The following CCDC186 variants were observed in gnomAD, a reference collection of about 807,000 sequenced individuals.
CCDC186 encodes coiled-coil domain-containing protein 186.
CCDC186 carries 49 observed loss-of-function variants against 113.7 expected under a neutral mutation model. That is an observed-to-expected ratio of 0.43 (90% confidence interval 0.34 to 0.55). The LOEUF (loss-of-function observed/expected upper bound fraction) is 0.55. Ranked by LOEUF, CCDC186 falls within the 20% of genes least tolerant of loss-of-function variation. The pLI, the probability that CCDC186 is intolerant of heterozygous loss-of-function variation, is 0.02. For missense variants in CCDC186, 890 were observed against 1,011.1 expected, an observed-to-expected ratio of 0.88 and a Z score of 1.62; for synonymous variants, 355 against 345.8, an observed-to-expected ratio of 1.03 and a Z score of -0.30.
At position 114,163,269 on chromosome 10, in the gene CCDC186, G is replaced by A; in HGVS notation, c.-1C>T. ...AGGCTATGTGGTCTGTCTCTGACATGCTGACTGGCACCAATTCACTTTGTA... is the reference window on the plus strand; with the variant it reads ...AGGCTATGTGGTCTGTCTCTGACATACTGACTGGCACCAATTCACTTTGTA... On this transcript the variant is annotated 5_prime_UTR_variant, in exon 2 of 16. Transcript: ENST00000369287. The A allele has an allele frequency of 6.2e-7, 1 of 1,604,658 alleles. No homozygotes were observed.
rs1564908430 is a variant in CCDC186 at position 114,138,060 on chromosome 10, AAAAAAAAAAAAAAT to A, written c.1222-784_1222-771del. ...CTCAAAAAAAAAAAAAAAAAAAAAAAAAAAAAAAAAAAATAAAAAAAATACACAAATTAGCCAGG... is the reference window on the plus strand; with the variant it reads ...CTCAAAAAAAAAAAAAAAAAAAAAAAAAAAAAAATACACAAATTAGCCAGG... On this transcript the variant is annotated intron_variant, in intron 6 of 15. Coordinates refer to ENST00000369287, the MANE Select transcript of CCDC186 (RefSeq NM_018017.4). Among the ~76,000 whole-genome samples the A allele has an allele frequency of 8.2e-4, 78 of 95,058 alleles. 1 individual carries two copies. Among genetic ancestry groups the A allele is most frequent in the African/African-American group, 3.5e-3 (65 of 18,572 alleles). The allele number at this position is 95,058 out of a possible 152,430, so 62.4% of individuals were successfully genotyped here.
At chr10:114,149,732 CG>C (rs2031772686) in intron 4 of CCDC186, among the ~76,000 whole-genome samples, 2 of 98,702 alleles carry the variant, frequency 2.0e-5, no homozygotes, top group Admixed American at 1.1e-4. Context: ...GAGGAAGGGA[CG>C]AAGGAAGGAA....
At position 114,131,337 on chromosome 10, in the gene CCDC186, C is replaced by T; in HGVS notation, c.1912-1G>A. ...CTTCCTCTTTCAACAACCTACTTTC[C>T]TGAATAGTAAGTAAAACAAAAACCA... On this transcript the variant is annotated splice_acceptor_variant, in intron 11 of 15. Coordinates refer to ENST00000369287, the MANE Select transcript of CCDC186 (RefSeq NM_018017.4). LOFTEE classifies it high-confidence loss of function. 6.4e-7 allele frequency: 1 copy of T among 1,555,670 alleles called. No homozygotes were observed. Among genetic ancestry groups the T allele is most frequent in the African/African-American group, 1.4e-5 (1 of 71,758 alleles).
chr10:114,170,985 C>G (rs1364417120), intron 1 of CCDC186, among the ~76,000 whole-genome samples: 1 of 152,074 alleles, frequency 6.6e-6, no homozygotes, highest in Non-Finnish European at 1.5e-5. Flanking sequence ...CATAGTTCAC[C>G]TTATCAAGTT....
chr10:114,157,484 A>G, intron 3 of CCDC186, 70 bp downstream of exon 3: 2 of 1,422,182 alleles, frequency 1.4e-6, no homozygotes, highest in Admixed American at 5.1e-5. Flanking sequence ...GAGCTGCCAC[A>G]ATCGGCTGCC....
chr10:114,137,506 A>C (rs993774617), intron 6 of CCDC186, among the ~76,000 whole-genome samples: 10 of 152,250 alleles, frequency 6.6e-5, no homozygotes, highest in Admixed American at 5.9e-4. Flanking sequence ...GTTTTCAGCA[A>C]ATTACTAGAA....
intron 3 of CCDC186, among the ~76,000 whole-genome samples, chr10:114,155,491 A>G (rs2031983966): frequency 6.6e-6 from 1 of 152,150 alleles, no homozygotes; most frequent in Non-Finnish European, 1.5e-5. Context: ...CCTGGCTAAC[A>G]TGGTGAAACC....
intron 10 of CCDC186, among the ~76,000 whole-genome samples, chr10:114,132,699 A>G (rs887579743): frequency 1.3e-5 from 2 of 152,240 alleles, no homozygotes; most frequent in Non-Finnish European, 2.9e-5. Flanking sequence ...TTTGTAAGCC[A>G]TGGTTGATCC....
intron 4 of CCDC186, among the ~76,000 whole-genome samples, chr10:114,148,015 G>C (rs2031700026): frequency 6.6e-6 from 1 of 152,114 alleles, no homozygotes; most frequent in Admixed American, 6.5e-5. Context: ...TGCACCTGTA[G>C]TCCCAGCTAT....
chr10:114,121,917 T>C lies in CCDC186; in HGVS notation c.*3226A>G, dbSNP rs1476477344. ...GCTTCAACCTCCCAGGCTCAGATGA[T>C]CCTCCCAACTCAGCCTCCTGGGTAG... On this transcript the variant is annotated 3_prime_UTR_variant, in exon 16 of 16. Transcript: ENST00000369287. 6.6e-6 allele frequency: 1 copy of C among 152,216 alleles called. No individual in the cohort carries two copies. The highest frequency in any genetic ancestry group is 1.5e-5 in the Non-Finnish European group (1 of 68,138). 9.4% of individuals were successfully genotyped at this position (152,216 alleles called of 1,614,324 possible).
rs1293848295 is a variant in CCDC186, at chr10:114,144,501, T to A, written c.1217A>T (p.His406Leu). 2 of 1,613,122 alleles carry A rather than the reference T, an allele frequency of 1.2e-6. No individual in the cohort carries two copies. The highest frequency in any genetic ancestry group is 1.7e-6 in the Non-Finnish European group (2 of 1,179,424). The stretch of plus-strand genomic sequence containing the variant: ...CCATTGTATTACAGTACGTACCTTG[T>A]GTGAATCCATTTCAGCTTTTAATTT... ...QNKLKAEMDS[H>L]KETKDKLKET... The change falls in exon 6 of 16, where the codon CAC (histidine) becomes CTC (leucine). Residue 406 changes from histidine (H) to leucine (L), a missense_variant. By Grantham distance (99) the His-to-Leu change is moderately conservative (BLOSUM62 -3). Coordinates refer to ENST00000369287, the MANE Select transcript of CCDC186 (RefSeq NM_018017.4).
In CCDC186 at chr10:114,127,604, C is replaced by T. The variant is rs140658837; in HGVS notation, c.2250G>A (p.Val750=). ...SPENTGSSVA[V]DNFPQVDKAM... is the part of the protein sequence containing the mutation. The stretch of plus-strand genomic sequence containing the variant: ...CCTTATCTACTTGTGGAAAGTTATC[C>T]ACAGCTACTGAGGACCCAGTATTTT... The change falls in exon 14 of 16, where the codon GTG becomes GTA. Residue 750 remains valine, a synonymous_variant. Coordinates refer to ENST00000369287, the MANE Select transcript of CCDC186 (RefSeq NM_018017.4). The T allele has an allele frequency of 5.0e-6, 8 of 1,613,862 alleles. No individual in the cohort carries two copies. In the Admixed American group the frequency reaches 1.2e-4, roughly 24 times the overall value.
intron 2 of CCDC186, chr10:114,161,506 TCA>T (rs796889119): frequency 4.6e-5 from 7 of 152,156 alleles, no homozygotes; most frequent in African/African-American, 1.7e-4. Flanking sequence ...GGAAGAGGCA[TCA>T]GAGATAATCT....
chr10:114,126,256 G>A, intron 14 of CCDC186, 151 bp from the exon 15 acceptor site: 1 of 635,756 alleles, frequency 1.6e-6, no homozygotes, highest in Non-Finnish European at 2.7e-6. Context: ...TATTCAGATG[G>A]TTTCTTAAAC....
chr10:114,148,175 G>T (rs901603826), intron 4 of CCDC186, among the ~76,000 whole-genome samples: 1 of 152,026 alleles, frequency 6.6e-6, no homozygotes, highest in African/African-American at 2.4e-5. Flanking sequence ...CTATAGCAGG[G>T]AATGGCGCAC....
chr10:114,128,230 A>C (rs2030975313), intron 13 of CCDC186, among the ~76,000 whole-genome samples: 1 of 152,218 alleles, frequency 6.6e-6, no homozygotes, highest in African/African-American at 2.4e-5. Context: ...AAAGGCATAT[A>C]GTAAGCATTA....
intron 2 of CCDC186, among the ~76,000 whole-genome samples, chr10:114,160,937 T>A: frequency 6.6e-6 from 1 of 152,194 alleles, no homozygotes; most frequent in East Asian, 1.9e-4. Flanking sequence ...CACAAACAGT[T>A]CCATCAGGTA....
At chr10:114,137,909 G>T (rs1011911180) in intron 6 of CCDC186, among the ~76,000 whole-genome samples, 1 of 151,952 alleles carries the variant, frequency 6.6e-6, no homozygotes, top group African/African-American at 2.4e-5. Context: ...GGTGGCGCAT[G>T]CCTGTAACCT....
intron 1 of CCDC186, among the ~76,000 whole-genome samples, chr10:114,167,579 G>A (rs1193241510): frequency 1.3e-5 from 2 of 151,988 alleles, no homozygotes; most frequent in East Asian, 1.9e-4. Context: ...TAAAAGGGGA[G>A]CCGTCATCGA....
Sources: allele counts gnomAD v4.1 joint callset (sites outside exome capture counted in the v4.1 genomes callset), GRCh38; gene constraint gnomAD v4.1.1; transcripts MANE v1.5; gene names NCBI Gene and HGNC (gene_info 2026-07-23, HGNC 2026-07-21).